The following NUP37 variants were observed in gnomAD, a reference collection of about 807,000 sequenced individuals.
The protein encoded by NUP37 is nucleoporin Nup37.
NUP37 carries 33 observed loss-of-function variants against 45.4 expected under a neutral mutation model. That is an observed-to-expected ratio of 0.73 (90% CI 0.55 to 0.97). The LOEUF (loss-of-function observed/expected upper bound fraction) is 0.97, where lower values mean the gene tolerates loss of function less well. Ranked by LOEUF, NUP37 falls within the 50% of genes least tolerant of loss-of-function variation. The pLI is 0.00. For missense variants in NUP37, 365 were observed against 389.7 expected (o/e 0.94, Z 0.53); for synonymous variants, 127 against 130.7 (o/e 0.97, Z 0.19).
chr12:102,074,301 C>A lies in NUP37; in HGVS notation c.*53G>T. 9.1e-7 allele frequency: 1 copy of A among 1,103,252 alleles called. No homozygotes were observed. Among genetic ancestry groups the A allele is most frequent in the South Asian group, 1.4e-5 (1 of 72,290 alleles). 68.3% of individuals were successfully genotyped at this position (1,103,252 alleles called of 1,614,324 possible). A position where few individuals can be genotyped will look rare whatever the true frequency, so the allele number is the denominator to read the frequency against. On this transcript the variant is annotated 3_prime_UTR_variant, in exon 10 of 10. Coordinates refer to ENST00000552283, the MANE Select transcript of NUP37 (RefSeq NM_024057.4). ...CAAAATATGTACTATAGAAATTCTT[C>A]AAAATATGTACTAAAAATACAAAGT...
At chr12:102,096,115 G>A (rs1358629006) in intron 5 of NUP37, among the ~76,000 whole-genome samples, 1 of 151,918 alleles carries the variant, frequency 6.6e-6, no homozygotes, top group African/African-American at 2.4e-5. Context: ...ATTAAGGGAC[G>A]ATAATAATTT....
At chr12:102,097,389 T>C (rs1355759359) in intron 5 of NUP37, among the ~76,000 whole-genome samples, 1 of 152,232 alleles carries the variant, frequency 6.6e-6, no homozygotes, top group Non-Finnish European at 1.5e-5. Flanking sequence ...TCTTTAGTTA[T>C]TCCTTTCCTA....
intron 3 of NUP37, among the ~76,000 whole-genome samples, chr12:102,110,052 C>T (rs1427281861): frequency 1.3e-5 from 2 of 151,852 alleles, no homozygotes; most frequent in East Asian, 1.9e-4. Context: ...AGCTAAATAT[C>T]GGTAAAGGCT....
chr12:102,085,890 T>C (rs767321509), intron 5 of NUP37, 34 bp from the exon 6 acceptor site: 1 of 1,000,984 alleles, frequency 1.0e-6, no homozygotes, highest in Admixed American at 2.3e-5. Context: ...TGTTAATTGT[T>C]CTTGATATAT....
intron 2 of NUP37, among the ~76,000 whole-genome samples, chr12:102,113,543 A>T (rs984086682): frequency 7.2e-5 from 11 of 152,178 alleles, no homozygotes; most frequent in Non-Finnish European, 1.6e-4. Context: ...TGATAAAAAA[A>T]TTTTGCAATT....
intron 6 of NUP37, among the ~76,000 whole-genome samples, chr12:102,083,057 A>G (rs1162838000): frequency 6.6e-6 from 1 of 152,226 alleles, no homozygotes; most frequent in African/African-American, 2.4e-5. Flanking sequence ...AATTTTAATG[A>G]TATGTAGGAG....
intron 5 of NUP37, among the ~76,000 whole-genome samples, chr12:102,086,234 T>C (rs971167746): frequency 6.6e-6 from 1 of 152,206 alleles, no homozygotes; most frequent in Admixed American, 6.5e-5. Flanking sequence ...CAACTGACGA[T>C]AATTACTACT....
chr12:102,097,460 T>TAA (rs58224303), intron 5 of NUP37, among the ~76,000 whole-genome samples: 35,400 of 151,946 alleles, frequency 0.23, 4,240 homozygotes, highest in East Asian at 0.42. Flanking sequence ...GCAGTAAACT[T>TAA]AAGTCTTATA....
At chr12:102,103,523 T>C (rs897747683) in intron 3 of NUP37, among the ~76,000 whole-genome samples, 1 of 152,164 alleles carries the variant, frequency 6.6e-6, no homozygotes, top group Admixed American at 6.5e-5. Context: ...AGATCATGTA[T>C]CAGGAAACAG....
In NUP37 at chr12:102,112,179, G is replaced by C. The variant is rs780920838; in HGVS notation, c.210C>G (p.His70Gln). The C allele has an allele frequency of 1.2e-6, 2 of 1,613,414 alleles. No homozygotes were observed. Among genetic ancestry groups the C allele is most frequent in the African/African-American group, 2.7e-5 (2 of 74,896 alleles). Residue 70 changes from histidine (H) to glutamine (Q), a missense_variant, in exon 3 of 10, where the codon CAC becomes CAG. Coordinates refer to ENST00000552283, the MANE Select transcript of NUP37 (RefSeq NM_024057.4). ...GIQYKTLRTF[H>Q]HGVRVDGIAW... ...CTATGCCATCAACCCTGACTCCATG[G>C]TGAAATGTTCGAAGTGTTTTATACT...
chr12:102,098,781 C>T (rs546234912), intron 5 of NUP37, among the ~76,000 whole-genome samples: 3 of 152,302 alleles, frequency 2.0e-5, no homozygotes, highest in African/African-American at 7.2e-5. Flanking sequence ...ATCTGCCCAC[C>T]TTGGTCTCCC....
chr12:102,112,542 A>G (rs74366186), intron 2 of NUP37, among the ~76,000 whole-genome samples: 5,687 of 152,262 alleles, frequency 0.037, 146 homozygotes, highest in African/African-American at 0.068. Context: ...CACGTCTATA[A>G]TCCCAACACT....
At position 102,112,236 on chromosome 12, in the gene NUP37, A is replaced by G. The variant is rs1475761367; in HGVS notation, c.157-4T>C. ...CTTCAACGTCTGCTTCTTCTTCCTA[A>G]GCATACACAGTAAATGTTTTAATAA... On this transcript the variant is annotated splice_region_variant and splice_polypyrimidine_tract_variant and intron_variant, in intron 2 of 9. Transcript: ENST00000552283. 6.2e-7 allele frequency: 1 copy of G among 1,607,432 alleles called. No homozygotes were observed. Among genetic ancestry groups the G allele is most frequent in the Non-Finnish European group, 8.5e-7 (1 of 1,174,956 alleles).
At chr12:102,119,720 A>G (rs1880684065) in intron 1 of NUP37, among the ~76,000 whole-genome samples, 1 of 152,150 alleles carries the variant, frequency 6.6e-6, no homozygotes, top group Non-Finnish European at 1.5e-5. Context: ...ACGGAGACAG[A>G]GAGGTATAGA....
Position 102,089,716 on chromosome 12 carries a change from G to A in NUP37, c.450-3860C>T, listed in dbSNP as rs538412087. ...CAGAGGCGCTCCTCACTTCCCAGAC[G>A]AGGCGGCCGGGCAGAGGCGCTCCTC... On this transcript the variant is annotated intron_variant, in intron 5 of 9. Transcript: ENST00000552283. Among the ~76,000 whole-genome samples, 405 of 149,216 alleles carry A rather than the reference G, an allele frequency of 2.7e-3. 1 individual carries two copies. The highest frequency in any genetic ancestry group is 9.1e-3 in the African/African-American group (370 of 40,510).
intron 6 of NUP37, among the ~76,000 whole-genome samples, chr12:102,077,935 C>T (rs1879222825): frequency 1.3e-5 from 2 of 152,104 alleles, no homozygotes. Context: ...TAAGGATCCT[C>T]AACCTATATT....
chr12:102,079,041 T>A, intron 6 of NUP37: 1 of 351,934 alleles, frequency 2.8e-6, no homozygotes, highest in Non-Finnish European at 5.6e-6. Context: ...ACTCTCTACA[T>A]CTCTGTAAAG....
intron 4 of NUP37, among the ~76,000 whole-genome samples, chr12:102,099,520 T>C (rs1268250658): frequency 2.0e-5 from 3 of 152,158 alleles, no homozygotes; most frequent in Non-Finnish European, 2.9e-5. Flanking sequence ...ACTTATTATA[T>C]AAAGCCTAAA....
chr12:102,083,062 T>C (rs1183542852), intron 6 of NUP37, among the ~76,000 whole-genome samples: 1 of 152,084 alleles, frequency 6.6e-6, no homozygotes, highest in Non-Finnish European at 1.5e-5. Context: ...TAATGATATG[T>C]AGGAGAAAAA....
Sources: gnomAD v4.1 joint callset for allele counts (sites outside exome capture counted in the v4.1 genomes callset) on GRCh38, gnomAD v4.1.1 for gene constraint, MANE v1.5 for transcripts, NCBI Gene and HGNC (gene_info 2026-07-23, HGNC 2026-07-21) for gene names.